CACNA1C: variants seen among roughly 807,000 people sequenced by gnomAD.
The protein encoded by CACNA1C is voltage-dependent L-type calcium channel subunit alpha-1C.
Under a neutral mutation model 229.0 loss-of-function variants are expected in CACNA1C, and 30 were observed. That is an observed-to-expected ratio of 0.13 (90% CI 0.10 to 0.18). The LOEUF (loss-of-function observed/expected upper bound fraction) is 0.18. CACNA1C is among the 10% of genes least tolerant of loss of function. The probability of loss-of-function intolerance (pLI) is 1.00; values close to 1 mark genes in which losing one functional copy is unlikely to be tolerated. For missense variants in CACNA1C, 1,658 were observed against 2,845.0 expected, an observed-to-expected ratio of 0.58 and a Z score of 9.49; for synonymous variants, 1,114 against 1,132.5, an observed-to-expected ratio of 0.98 and a Z score of 0.33.
intron 13 of CACNA1C, among the ~76,000 whole-genome samples, chr12:2,578,041 T>G (rs544002485): frequency 6.6e-6 from 1 of 151,734 alleles, no homozygotes; most frequent in Admixed American, 6.6e-5. Context: ...GCTAATTTTT[T>G]GTATTTTTAG....
Position 2,645,670 on chromosome 12 carries a change from G to A in CACNA1C, c.3913-2805G>A, listed in dbSNP as rs2153626972. 1.3e-5 allele frequency among the ~76,000 whole-genome samples: 2 copies of A among 152,308 alleles called. 1 individual carries two copies. The highest frequency in any genetic ancestry group is 4.1e-4 in the South Asian group (2 of 4,822). ...CTCGGGGGCCTTGGGGGCAGGGGCT[G>A]TGGCTTAGGCTGCTTCCTATTGTTA... On this transcript the variant is annotated intron_variant, in intron 30 of 46. Coordinates refer to ENST00000399655, the MANE Select transcript of CACNA1C (RefSeq NM_000719.7).
At chr12:2,138,605 G>T (rs1005706936) in intron 3 of CACNA1C, among the ~76,000 whole-genome samples, 1 of 150,966 alleles carries the variant, frequency 6.6e-6, no homozygotes, top group East Asian at 1.9e-4. Context: ...TCACTTCCAC[G>T]CTTCCTGCCC....
At chr12:2,387,686 G>A (rs2098416737) in intron 3 of CACNA1C, among the ~76,000 whole-genome samples, 1 of 152,186 alleles carries the variant, frequency 6.6e-6, no homozygotes, top group Admixed American at 6.5e-5. Context: ...GCTGACACCT[G>A]AGGCAAAGAG....
At chr12:2,059,835 C>T (rs1246444492) in intron 1 of CACNA1C, among the ~76,000 whole-genome samples, 1 of 152,086 alleles carries the variant, frequency 6.6e-6, no homozygotes, top group Non-Finnish European at 1.5e-5. Flanking sequence ...CCTGCCTGTA[C>T]CACACTTGGT....
rs190081117 is a variant in CACNA1C, at chr12:2,144,119, C to T, written c.477+23689C>T. Among the ~76,000 whole-genome samples the T allele has an allele frequency of 1.3e-4, 19 of 151,322 alleles. 1 individual carries two copies. The highest frequency in any genetic ancestry group is 1.1e-3 in the South Asian group (5 of 4,756). Reference sequence around the variant, plus strand: ...GGAGGACTAATCATTCCTGTGTAAACGCTGAGAAAACAACTAAGACACATG... The same window carrying T: ...GGAGGACTAATCATTCCTGTGTAAATGCTGAGAAAACAACTAAGACACATG... On this transcript the variant is annotated intron_variant, in intron 3 of 46. Transcript: ENST00000399655.
chr12:2,614,343 A>C (rs1036246873), intron 29 of CACNA1C: 14 of 152,240 alleles, frequency 9.2e-5, no homozygotes, highest in African/African-American at 2.9e-4. Flanking sequence ...AGGAAAATGG[A>C]TCTTTCCCTG....
chr12:2,378,138 T>G (rs1454997758), intron 3 of CACNA1C, among the ~76,000 whole-genome samples: 1 of 152,206 alleles, frequency 6.6e-6, no homozygotes, highest in East Asian at 1.9e-4. Flanking sequence ...TAATAATGAT[T>G]ATAAAGTCTA....
intron 3 of CACNA1C, among the ~76,000 whole-genome samples, chr12:2,195,186 C>T (rs1182435369): frequency 6.6e-6 from 1 of 152,172 alleles, no homozygotes; most frequent in African/African-American, 2.4e-5. Context: ...GTCAGTTGGT[C>T]CAGGCGGTAA....
At chr12:2,481,863 C>T (rs1860095) in intron 5 of CACNA1C, among the ~76,000 whole-genome samples, 97,108 of 152,200 alleles carry the variant, frequency 0.64, 31,814 homozygotes, top group East Asian at 0.88. Flanking sequence ...TCAGCAGTTG[C>T]TTCACCAGGC....
At chr12:2,210,741 A>AT (rs1363692888) in intron 3 of CACNA1C, among the ~76,000 whole-genome samples, 1 of 152,020 alleles carries the variant, frequency 6.6e-6, no homozygotes, top group Non-Finnish European at 1.5e-5. Flanking sequence ...CATTAAGTTA[A>AT]TTTTTTCATT....
At position 2,633,537 on chromosome 12, in the gene CACNA1C, C is replaced by T; in HGVS notation, c.3829-760C>T. On this transcript the variant is annotated intron_variant, in intron 29 of 46. Transcript: ENST00000399655. The surrounding 1 kb of genome is among the most constrained non-coding windows in gnomAD (Gnocchi z 5.8). ...GAACTCCAGAGGCAACACGGAGGTG[C>T]CTGGACGATGATTCTGATGGTGGTG... 3 of 807,156 alleles carry T rather than the reference C, an allele frequency of 3.7e-6. No individual in the cohort carries two copies. Among genetic ancestry groups the T allele is most frequent in the Non-Finnish European group, 6.5e-6 (3 of 458,572 alleles). 50.0% of individuals were successfully genotyped at this position (807,156 alleles called of 1,614,324 possible).
chr12:2,344,503 C>G (rs2096953055), intron 3 of CACNA1C, among the ~76,000 whole-genome samples: 1 of 152,118 alleles, frequency 6.6e-6, no homozygotes, highest in African/African-American at 2.4e-5. Context: ...CCAAGCAACT[C>G]TTTTTAAAAC....
intron 3 of CACNA1C, among the ~76,000 whole-genome samples, chr12:2,419,334 G>A (rs151059088): frequency 2.3e-4 from 35 of 152,080 alleles, no homozygotes; most frequent in African/African-American, 8.2e-4. Context: ...GGAGGGAGGA[G>A]GTGTCACACA....
chr12:2,063,396 C>T (rs1307134628), intron 1 of CACNA1C, among the ~76,000 whole-genome samples: 3 of 152,112 alleles, frequency 2.0e-5, no homozygotes, highest in Admixed American at 6.5e-5. Flanking sequence ...TTGATCCACC[C>T]GCTTGGCCTC....
chr12:2,627,067 C>A (rs575471621), intron 29 of CACNA1C, among the ~76,000 whole-genome samples: 5 of 152,150 alleles, frequency 3.3e-5, no homozygotes, highest in Non-Finnish European at 7.3e-5. Flanking sequence ...CGCCTCCACC[C>A]GCCTGGGGTC....
intron 3 of CACNA1C, among the ~76,000 whole-genome samples, chr12:2,419,666 G>A (rs1044211686): frequency 1.3e-5 from 2 of 152,170 alleles, no homozygotes; most frequent in Non-Finnish European, 2.9e-5. Context: ...GTCCTGATTT[G>A]GGGGTTCAAA....
chr12:2,091,498 T>C lies in CACNA1C; in HGVS notation c.50-23726T>C, dbSNP rs529260784. 1.8e-3 allele frequency among the ~76,000 whole-genome samples: 275 copies of C among 152,326 alleles called. 1 individual carries two copies. Among genetic ancestry groups the C allele is most frequent in the Non-Finnish European group, 2.8e-3 (189 of 68,022 alleles). On this transcript the variant is annotated intron_variant, in intron 1 of 46. Coordinates refer to ENST00000399655, the MANE Select transcript of CACNA1C (RefSeq NM_000719.7). The stretch of plus-strand genomic sequence containing the variant: ...TTTCCAGCTCTAGAGAATGCCCACA[T>C]TCCTTGGCTCATGGCCCTCTCCTCT...
At position 2,046,846 on chromosome 12, in the gene CACNA1C, G is replaced by C. The variant is rs2051158601; in HGVS notation, c.140-68378G>C. On this transcript the variant is annotated intron_variant, in intron 1 of 46. Coordinates refer to the CACNA1C transcript ENST00000682462. ...GATCTGGTCCATCCTATGGCTTCTAGATAAACAGACAGGAGGAAAGATGGA... is the reference window on the plus strand; with the variant it reads ...GATCTGGTCCATCCTATGGCTTCTACATAAACAGACAGGAGGAAAGATGGA... 2.0e-5 allele frequency among the ~76,000 whole-genome samples: 3 copies of C among 152,156 alleles called. No homozygotes were observed. In the South Asian group the frequency reaches 6.2e-4, roughly 32 times the overall value.
chr12:2,611,845 G>C (rs1435862444), intron 28 of CACNA1C, 58 bp from the exon 29 acceptor site: 1 of 1,084,010 alleles, frequency 9.2e-7, no homozygotes, highest in Non-Finnish European at 1.4e-6. Flanking sequence ...GCAAAAGGTG[G>C]GGAGGAGGAG....
Sources: allele counts gnomAD v4.1 joint callset (sites outside exome capture counted in the v4.1 genomes callset), GRCh38; gene constraint gnomAD v4.1.1; non-coding constraint Gnocchi (gnomAD v3.1); transcripts MANE v1.5; gene names NCBI Gene and HGNC (gene_info 2026-07-23, HGNC 2026-07-21).